AGRN: variants seen among roughly 807,000 people sequenced by gnomAD.
AGRN encodes the protein agrin proteoglycan.
AGRN carries 106 observed loss-of-function variants against 211.0 expected under a neutral mutation model. That is an observed-to-expected ratio of 0.50 (90% CI 0.43 to 0.59). The LOEUF is 0.59. Among genes scored for constraint, AGRN ranks in the 20% least tolerant of loss-of-function variants. The probability of loss-of-function intolerance (pLI) is 0.00; values close to 1 mark genes in which losing one functional copy is unlikely to be tolerated. For missense variants in AGRN, 3,040 were observed against 2,982.6 expected (o/e 1.02, Z -0.45); for synonymous variants, 1,525 against 1,332.5 (o/e 1.14, Z -3.15).
In AGRN at chr1:1,043,886, C is replaced by A; in HGVS notation, c.1862C>A (p.Pro621His). The A allele has an allele frequency of 6.2e-7, 1 of 1,611,300 alleles. No homozygotes were observed. The change falls in exon 10 of 36, where the codon CCC becomes CAC. Residue 621 changes from proline (P) to histidine (H), a missense_variant. Coordinates refer to ENST00000379370, the MANE Select transcript of AGRN (RefSeq NM_198576.4). ...TGCTCCGCAGGGCAGTGTGTGTGTC[C>A]CCGGTGTGAGCACCCCCCGCCCGGC... ...AVCSAGQCVC[P>H]RCEHPPPGPV... is the part of the protein sequence containing the mutation.
chr1:1,050,205 A>G, intron 27 of AGRN, 28 bp from the exon 28 acceptor site: 1 of 1,611,622 alleles, frequency 6.2e-7, no homozygotes, highest in Non-Finnish European at 8.5e-7. Context: ...GGGGGTCAGG[A>G]CTGAGGCCTT....
chr1:1,020,355 G>A lies in AGRN; in HGVS notation c.183G>A (p.Gln61=). ...AGATCCTCAACGTGGACCCGGTGCA[G>A]CACACGTACTCCTGCAAGGTGCGCC... The part of the protein sequence containing the change: ...VEEILNVDPV[Q]HTYSCKVRVW... The change falls in exon 1 of 36, where the codon CAG becomes CAA. Residue 61 remains glutamine, a synonymous_variant. Transcript: ENST00000379370. The A allele has an allele frequency of 1.3e-6, 2 of 1,498,706 alleles. No individual in the cohort carries two copies. The highest frequency in any genetic ancestry group is 8.9e-7 in the Non-Finnish European group (1 of 1,122,808). 92.8% of individuals were successfully genotyped at this position (1,498,706 alleles called of 1,614,324 possible). A position where few individuals can be genotyped will look rare whatever the true frequency, so the allele number is the denominator to read the frequency against.
At chr1:1,027,831 G>A (rs922235962) in intron 2 of AGRN, among the ~76,000 whole-genome samples, 19 of 152,294 alleles carry the variant, frequency 1.2e-4, no homozygotes, top group African/African-American at 3.6e-4. Flanking sequence ...TCCCTGCCCC[G>A]CCGTTTGGCA....
At chr1:1,034,769 G>A (rs895045268) in intron 2 of AGRN, 3 of 999,800 alleles carry the variant, frequency 3.0e-6, no homozygotes, top group African/African-American at 3.4e-5. Flanking sequence ...GCACATAGAG[G>A]CTGGAGGCCG....
chr1:1,050,501 CGGACGGCAA>C lies in AGRN; in HGVS notation c.5054_5062del (p.Asp1685_Lys1687del). ...CTCCTGCTCTACAACGGGCAGAAGA[CGGACGGCAA>C]GGGGGACTTCGTGTCGCTGGCACTG... On this transcript the variant is annotated inframe_deletion, in exon 29 of 36. Coordinates refer to ENST00000379370, the MANE Select transcript of AGRN (RefSeq NM_198576.4). 1 of 1,612,910 alleles carries C rather than the reference CGGACGGCAA, an allele frequency of 6.2e-7. No individual in the cohort carries two copies. Among genetic ancestry groups the C allele is most frequent in the Admixed American group, 1.7e-5 (1 of 60,012 alleles).
Position 1,049,958 on chromosome 1 carries a change from G to A in AGRN, c.4800G>A (p.Ala1600=), listed in dbSNP as rs369164916. The change falls in exon 27 of 36, where the codon GCG becomes GCA. Residue 1600 remains alanine, a synonymous_variant. Transcript: ENST00000379370. ...SPCQPNPCHG[A]APCRVLPEGG... is the part of the protein sequence containing the mutation. ...GCCAGCCCAACCCCTGCCATGGGGC[G>A]GCGCCCTGCCGTGTGCTGCCCGAGG... 25 of 1,612,278 alleles carry A rather than the reference G, an allele frequency of 1.6e-5. No individual in the cohort carries two copies. Among genetic ancestry groups the A allele is most frequent in the African/African-American group, 4.0e-5 (3 of 75,028 alleles).
At position 1,046,731 on chromosome 1, in the gene AGRN, T is replaced by TG; in HGVS notation, c.3250+1dup. The TG allele has an allele frequency of 6.3e-7, 1 of 1,579,270 alleles. No homozygotes were observed. Among genetic ancestry groups the TG allele is most frequent in the Non-Finnish European group, 8.6e-7 (1 of 1,168,434 alleles). ...ACCAGGAGGCCAGTGGGGGTGGCTC[T>TG]GGGGGTGAGCAGGGATCAAGGACTT... On this transcript the variant is annotated frameshift_variant, in exon 18 of 36. Coordinates refer to ENST00000379370, the MANE Select transcript of AGRN (RefSeq NM_198576.4). LOFTEE classifies it high-confidence loss of function.
At position 1,049,592 on chromosome 1, in the gene AGRN, C is replaced by G. The variant is rs1645213148; in HGVS notation, c.4541C>G (p.Ala1514Gly). The G allele has an allele frequency of 6.3e-7, 1 of 1,590,524 alleles. No homozygotes were observed. Among genetic ancestry groups the G allele is most frequent in the Non-Finnish European group, 8.5e-7 (1 of 1,169,640 alleles). Residue 1514 changes from alanine to glycine, a missense_variant, in exon 26 of 36, where the codon GCC becomes GGC. By Grantham distance (60) the Ala-to-Gly change is moderately conservative. Around this residue, in one of 3 missense-constraint regions of AGRN, gnomAD observed 1,537 missense variants for 1,505.0 expected, o/e 1.02. Transcript: ENST00000379370. ...AVALERTFVG[A>G]GLRGCIRLLD... is the part of the protein sequence containing the mutation. ...GCGCTGGAGCGGACCTTCGTGGGCG[C>G]CGGCCTGAGGGGGTGCATCCGTTTG...
At position 1,046,970 on chromosome 1, in the gene AGRN, C is replaced by T; in HGVS notation, c.3388+13C>T. On this transcript the variant is annotated intron_variant, in intron 19 of 35. Coordinates refer to ENST00000379370, the MANE Select transcript of AGRN (RefSeq NM_198576.4). The stretch of plus-strand genomic sequence containing the variant: ...TCCAACTGCCCCGGTGAGTGGACGG[C>T]TGGGCGAGGGGAGTGTGAGGATAGC... The T allele has an allele frequency of 6.4e-7, 1 of 1,571,056 alleles. No individual in the cohort carries two copies. Among genetic ancestry groups the T allele is most frequent in the Non-Finnish European group, 8.6e-7 (1 of 1,159,144 alleles).
chr1:1,036,005 G>A lies in AGRN; in HGVS notation c.511+681G>A, dbSNP rs572840825. 3.3e-5 allele frequency among the ~76,000 whole-genome samples: 5 copies of A among 152,236 alleles called. No individual in the cohort carries two copies. The South Asian group carries it at 1.0e-3, about 32-fold the overall frequency. On this transcript the variant is annotated intron_variant, in intron 3 of 35. Coordinates refer to ENST00000379370, the MANE Select transcript of AGRN (RefSeq NM_198576.4). ...GTCAGCTTTGCAGAGGAACACAGAC[G>A]GGGGGACCGGTGGCTCCCTCGCCAG...
intron 2 of AGRN, among the ~76,000 whole-genome samples, chr1:1,024,210 A>T (rs1484969448): frequency 2.0e-5 from 3 of 151,960 alleles, no homozygotes; most frequent in Admixed American, 2.0e-4. Flanking sequence ...GACAGGGTAA[A>T]TGCCTCCCAG....
intron 6 of AGRN, 68 bp from the exon 7 acceptor site, chr1:1,041,888 T>A (rs1283650944): frequency 1.0e-5 from 16 of 1,593,648 alleles, no homozygotes. Flanking sequence ...CCCTGCTCCC[T>A]GCACATCCCA....
chr1:1,044,087 ACT>A lies in AGRN; in HGVS notation c.2000-19_2000-18del. 2 of 1,612,856 alleles carry A rather than the reference ACT, an allele frequency of 1.2e-6. No homozygotes were observed. Among genetic ancestry groups the A allele is most frequent in the South Asian group, 1.1e-5 (1 of 91,068 alleles). ...GCTTTGGACAAGAAGCCCCTGGGTG[ACT>A]CTGCTCCCCTTCCCCGCAGCCGAGT... is the stretch of plus-strand genomic sequence containing the variant. On this transcript the variant is annotated intron_variant, in intron 10 of 35. Coordinates refer to ENST00000379370, the MANE Select transcript of AGRN (RefSeq NM_198576.4).
At chr1:1,042,280 G>T (rs1013762090) in intron 7 of AGRN, 118 bp downstream of exon 7, 6 of 1,280,912 alleles carry the variant, frequency 4.7e-6, no homozygotes, top group Non-Finnish European at 6.4e-6. Flanking sequence ...GAGTGGGCCG[G>T]TCCCTCTGGG....
intron 3 of AGRN, 152 bp from the exon 4 acceptor site, chr1:1,040,513 C>G (rs1045150278): frequency 1.1e-6 from 1 of 932,378 alleles, no homozygotes; most frequent in African/African-American, 1.6e-5. Flanking sequence ...GTCCTGTGAG[C>G]GCACGCACGC....
chr1:1,022,087 T>C, intron 1 of AGRN, 114 bp from the exon 2 acceptor site: 2 of 1,385,276 alleles, frequency 1.4e-6, no homozygotes, highest in Non-Finnish European at 2.0e-6. Flanking sequence ...TCTCCCCACA[T>C]CTCTGCCCAG....
At chr1:1,054,061 C>G in intron 34 of AGRN, 84 bp downstream of exon 34, 2 of 1,441,170 alleles carry the variant, frequency 1.4e-6, no homozygotes, top group Non-Finnish European at 1.9e-6. Context: ...TCACTTGTGA[C>G]CAGGGGTCAG....
chr1:1,028,083 C>T (rs1013684725), intron 2 of AGRN, among the ~76,000 whole-genome samples: 14 of 152,032 alleles, frequency 9.2e-5, no homozygotes, highest in Non-Finnish European at 1.6e-4. Context: ...CTTCCCCATT[C>T]ACACACTCAC....
intron 2 of AGRN, among the ~76,000 whole-genome samples, chr1:1,025,700 C>T (rs1644506693): frequency 6.6e-6 from 1 of 152,140 alleles, no homozygotes; most frequent in Non-Finnish European, 1.5e-5. Flanking sequence ...CCCAATCTCC[C>T]TCCTGCAGCT....
Sources: allele counts gnomAD v4.1 joint callset (sites outside exome capture counted in the v4.1 genomes callset), GRCh38; gene constraint gnomAD v4.1.1; regional missense constraint gnomAD v4.1.1; transcripts MANE v1.5; gene names NCBI Gene and HGNC (gene_info 2026-07-23, HGNC 2026-07-21).